NPAS3: variants seen among roughly 807,000 people sequenced by gnomAD.
NPAS3 encodes neuronal PAS domain-containing protein 3.
Under a neutral mutation model 73.1 loss-of-function variants are expected in NPAS3, and 14 were observed. That is an observed-to-expected ratio of 0.19 (90% CI 0.13 to 0.30). The LOEUF (loss-of-function observed/expected upper bound fraction) is 0.30, where lower values mean the gene tolerates loss of function less well. Ranked by LOEUF, NPAS3 falls within the 10% of genes least tolerant of loss-of-function variation. NPAS3 has a pLI of 1.00. For synonymous variants in NPAS3, 620 were observed against 541.5 expected, an observed-to-expected ratio of 1.14 and a Z score of -2.01; for missense variants, 1,096 against 1,250.0, an observed-to-expected ratio of 0.88 and a Z score of 1.86.
chr14:33,231,764 CTAAG>C (rs372280133), intron 3 of NPAS3, among the ~76,000 whole-genome samples: 128 of 152,130 alleles, frequency 8.4e-4, no homozygotes, highest in African/African-American at 2.9e-3. Flanking sequence ...CAAAAGATAT[CTAAG>C]TAAGGGGGAA....
intron 3 of NPAS3, among the ~76,000 whole-genome samples, chr14:33,241,707 C>T (rs1281528640): frequency 6.6e-6 from 1 of 151,862 alleles, no homozygotes; most frequent in Non-Finnish European, 1.5e-5. Context: ...GCTGCTTTGA[C>T]AGTAAATTAA....
chr14:33,771,580 G>A (rs1407266353), intron 7 of NPAS3, among the ~76,000 whole-genome samples: 3 of 152,154 alleles, frequency 2.0e-5, no homozygotes, highest in Non-Finnish European at 4.4e-5. Context: ...GGGAGGCCGA[G>A]GCAGGAGGAT....
chr14:33,470,168 C>T (rs189241325), intron 4 of NPAS3, among the ~76,000 whole-genome samples: 327 of 152,294 alleles, frequency 2.1e-3, no homozygotes, highest in African/African-American at 7.4e-3. Context: ...GTGCAGTAAC[C>T]TACCTCAGAA....
At chr14:33,609,598 G>A (rs1428308153) in intron 5 of NPAS3, among the ~76,000 whole-genome samples, 1 of 152,044 alleles carries the variant, frequency 6.6e-6, no homozygotes, top group Admixed American at 6.6e-5. Context: ...TCTCTTCTCG[G>A]TGGGCTTGGC....
intron 2 of NPAS3, among the ~76,000 whole-genome samples, chr14:33,130,422 T>G (rs2043592603): frequency 6.6e-6 from 1 of 152,166 alleles, no homozygotes; most frequent in South Asian, 2.1e-4. Flanking sequence ...AATTGCAAGA[T>G]TATTTTTCCT....
At chr14:33,538,392 C>G (rs549510108) in intron 4 of NPAS3, among the ~76,000 whole-genome samples, 2 of 152,328 alleles carry the variant, frequency 1.3e-5, no homozygotes, top group African/African-American at 4.8e-5. Context: ...GCTGTTAGCA[C>G]AGCAGCACTG....
intron 3 of NPAS3, among the ~76,000 whole-genome samples, chr14:33,217,304 G>A (rs566953059): frequency 2.0e-5 from 3 of 152,216 alleles, no homozygotes; most frequent in South Asian, 4.1e-4. Context: ...GGATGGGGAC[G>A]TAGAGCCAAA....
intron 7 of NPAS3, among the ~76,000 whole-genome samples, chr14:33,757,888 T>TC (rs1397223805): frequency 6.6e-6 from 1 of 152,202 alleles, no homozygotes; most frequent in Admixed American, 6.5e-5. Context: ...TTCCTTTTAT[T>TC]CACCTTTTCA....
intron 6 of NPAS3, among the ~76,000 whole-genome samples, chr14:33,710,581 C>T (rs568847358): frequency 1.3e-5 from 2 of 152,264 alleles, no homozygotes; most frequent in East Asian, 1.9e-4. Flanking sequence ...TCTCATCAGG[C>T]GTGCCCCGCT....
At chr14:33,329,904 G>A (rs1231314773) in intron 3 of NPAS3, among the ~76,000 whole-genome samples, 2 of 152,100 alleles carry the variant, frequency 1.3e-5, no homozygotes, top group Non-Finnish European at 2.9e-5. Context: ...CTGTTCTGTA[G>A]CAATGAGCAG....
intron 2 of NPAS3, among the ~76,000 whole-genome samples, chr14:33,088,384 G>T (rs2042107470): frequency 6.6e-6 from 1 of 152,248 alleles, no homozygotes; most frequent in Non-Finnish European, 1.5e-5. Flanking sequence ...CACACCAGGA[G>T]ATTATATCCC....
chr14:33,661,122 G>A (rs925348510), intron 5 of NPAS3, among the ~76,000 whole-genome samples: 6 of 150,852 alleles, frequency 4.0e-5, no homozygotes, highest in Admixed American at 6.6e-5. Context: ...AAAGACAGCC[G>A]GCAAACTGTC....
intron 2 of NPAS3, among the ~76,000 whole-genome samples, chr14:33,136,294 C>T (rs1277128770): frequency 2.6e-5 from 4 of 151,998 alleles, no homozygotes; most frequent in African/African-American, 7.2e-5. Flanking sequence ...CTCCTGACCT[C>T]GTGATCCGCC....
At position 33,711,863 on chromosome 14, in the gene NPAS3, A is replaced by G. The variant is rs143656027; in HGVS notation, c.734-23351A>G. On this transcript the variant is annotated intron_variant, in intron 6 of 11. Coordinates refer to ENST00000356141, the Ensembl canonical transcript of NPAS3. ...CTCACTCCAAACCCCCAAGAAAGAGAGCAGACCTCCCAGTTCTGCACGGCT... is the reference window on the plus strand; with the variant it reads ...CTCACTCCAAACCCCCAAGAAAGAGGGCAGACCTCCCAGTTCTGCACGGCT... 2.7e-4 allele frequency among the ~76,000 whole-genome samples: 41 copies of G among 151,976 alleles called. 1 individual carries two copies. The highest frequency in any genetic ancestry group is 3.4e-3 in the Middle Eastern group (1 of 294).
intron 3 of NPAS3, among the ~76,000 whole-genome samples, chr14:33,265,571 G>T (rs922954282): frequency 1.3e-5 from 2 of 151,994 alleles, no homozygotes; most frequent in Non-Finnish European, 2.9e-5. Context: ...CTGTCTTATG[G>T]GCTGTACATG....
intron 4 of NPAS3, among the ~76,000 whole-genome samples, chr14:33,382,310 A>G (rs751427329): frequency 6.6e-6 from 1 of 152,170 alleles, no homozygotes; most frequent in Non-Finnish European, 1.5e-5. Context: ...AACTCACAAC[A>G]TTAATCCAAA....
At chr14:33,215,127 AATG>A in intron 2 of NPAS3, 52 bp from the exon 3 acceptor site, 1 of 1,560,734 alleles carries the variant, frequency 6.4e-7, no homozygotes, top group Non-Finnish European at 8.7e-7. Flanking sequence ...GCAGTATTTG[AATG>A]ATGACAGAGT....
rs182071960 is a variant in NPAS3, at chr14:33,537,126, C to T, written c.469-22995C>T. On this transcript the variant is annotated intron_variant, in intron 4 of 11. Coordinates refer to ENST00000356141, the Ensembl canonical transcript of NPAS3. ...CAATATGATGGTGTATATCTTCCCC[C>T]TCCATGTAGACAATGTTCCTGGAAG... is the stretch of plus-strand genomic sequence containing the variant. Among the ~76,000 whole-genome samples, 852 of 152,266 alleles carry T rather than the reference C, an allele frequency of 5.6e-3. 6 individuals are homozygous for T. Among genetic ancestry groups the T allele is most frequent in the Middle Eastern group, 0.02 (6 of 294 alleles).
intron 1 of NPAS3, among the ~76,000 whole-genome samples, chr14:32,990,704 T>C (rs1360869827): frequency 6.6e-6 from 1 of 152,042 alleles, no homozygotes; most frequent in East Asian, 1.9e-4. Context: ...GGCAGGAGCA[T>C]TGCTTGAGTT....
Sources: allele counts gnomAD v4.1 joint callset (sites outside exome capture counted in the v4.1 genomes callset), GRCh38; gene constraint gnomAD v4.1.1; transcripts MANE v1.5; gene names NCBI Gene and HGNC (gene_info 2026-07-23, HGNC 2026-07-21).